TMEM74: variants seen among roughly 807,000 people sequenced by gnomAD.
TMEM74 encodes the protein transmembrane protein 74.
A neutral mutation model predicts 18.1 loss-of-function variants in TMEM74; 13 were observed. The observed-to-expected ratio is 0.72, with a 90% confidence interval of 0.47 to 1.14. TMEM74 has a LOEUF of 1.14. Among genes scored for constraint, TMEM74 ranks in the 50% most tolerant of loss-of-function variants. The probability of loss-of-function intolerance (pLI) is 0.00; values close to 1 mark genes in which losing one functional copy is unlikely to be tolerated. For missense variants in TMEM74, 372 were observed against 375.9 expected (o/e 0.99, Z 0.09); for synonymous variants, 159 against 146.6 (o/e 1.08, Z -0.61).
intron 1 of TMEM74, among the ~76,000 whole-genome samples, chr8:108,766,659 G>T (rs944092631): frequency 2.9e-5 from 4 of 139,564 alleles, no homozygotes; most frequent in Non-Finnish European, 6.5e-5. Flanking sequence ...ATGAAAGGGA[G>T]TTTATTAAGG....
intron 1 of TMEM74, among the ~76,000 whole-genome samples, chr8:108,677,808 G>A (rs1813069531): frequency 6.6e-6 from 1 of 152,140 alleles, no homozygotes; most frequent in African/African-American, 2.4e-5. Context: ...TGCCTTTAGA[G>A]CCATGAGATT....
intron 1 of TMEM74, among the ~76,000 whole-genome samples, chr8:108,656,987 A>G (rs959880949): frequency 2.2e-4 from 33 of 152,186 alleles, no homozygotes; most frequent in Admixed American, 5.9e-4. Context: ...CTGAGAAATC[A>G]TAACAAATGT....
At chr8:108,754,647 GTAGGTAGGTAGGTAGC>G (rs1419283338) in intron 1 of TMEM74, among the ~76,000 whole-genome samples, 4,724 of 139,346 alleles carry the variant, frequency 0.034, 236 homozygotes, top group African/African-American at 0.11. Flanking sequence ...GGATAGGTAG[GTAGGTAGGTAGGTAGC>G]TAGGTAGCTA....
exon 4 of TMEM74, chr8:108,607,336 T>C (rs1219261884): frequency 6.6e-6 from 1 of 152,228 alleles, no homozygotes; most frequent in Non-Finnish European, 1.5e-5. Flanking sequence ...CATTTGAAAG[T>C]GCATTGGCGT....
In TMEM74 at chr8:108,713,071, C is replaced by T. The variant is rs568405866; in HGVS notation, n.120-57634G>A. On this transcript the variant is annotated intron_variant and non_coding_transcript_variant, in intron 1 of 3. Transcript: ENST00000518838. ...TTATTGACGATGTTATTGGAGTCCA[C>T]AAATACATGAACTTTTGTTGGTTGG... Among the ~76,000 whole-genome samples, 18 of 152,300 alleles carry T rather than the reference C, an allele frequency of 1.2e-4. 1 individual carries two copies. The South Asian group carries it at 3.7e-3, about 32-fold the overall frequency.
intron 2 of TMEM74, among the ~76,000 whole-genome samples, chr8:108,650,431 T>A (rs1812762094): frequency 6.6e-6 from 1 of 152,190 alleles, no homozygotes; most frequent in African/African-American, 2.4e-5. Context: ...GTGTTCTCAT[T>A]TCATGCCAAG....
intron 2 of TMEM74, among the ~76,000 whole-genome samples, chr8:108,618,386 A>C (rs72671191): frequency 3.9e-4 from 60 of 152,198 alleles, no homozygotes; most frequent in Non-Finnish European, 7.8e-4. Flanking sequence ...TGGAACTCAA[A>C]CTTCACTGTA....
intron 2 of TMEM74, among the ~76,000 whole-genome samples, chr8:108,646,503 G>A (rs1347290642): frequency 6.6e-6 from 1 of 152,046 alleles, no homozygotes; most frequent in Non-Finnish European, 1.5e-5. Flanking sequence ...CAATTTGCAT[G>A]GGTGAGTTCA....
intron 1 of TMEM74, among the ~76,000 whole-genome samples, chr8:108,670,087 A>G (rs1334320464): frequency 6.7e-6 from 1 of 149,022 alleles, no homozygotes; most frequent in Non-Finnish European, 1.5e-5. Context: ...CCTTTTCTTT[A>G]TATTCATTTT....
chr8:108,728,283 T>C (rs1420086491), intron 1 of TMEM74, among the ~76,000 whole-genome samples: 2 of 152,248 alleles, frequency 1.3e-5, no homozygotes, highest in East Asian at 3.9e-4. Context: ...ATTGATAATG[T>C]AGGAGAGAGG....
intron 1 of TMEM74, among the ~76,000 whole-genome samples, chr8:108,662,012 A>G (rs1812904642): frequency 6.6e-6 from 1 of 152,152 alleles, no homozygotes. Flanking sequence ...TGGATTTCAG[A>G]GATAACAGTC....
intron 1 of TMEM74, among the ~76,000 whole-genome samples, chr8:108,709,428 T>C (rs781545727): frequency 1.3e-5 from 2 of 152,138 alleles, no homozygotes; most frequent in South Asian, 2.1e-4. Flanking sequence ...GTAGTATTTG[T>C]GAAAGACAAA....
At chr8:108,612,281 A>G (rs915025994) in intron 2 of TMEM74, among the ~76,000 whole-genome samples, 5 of 152,212 alleles carry the variant, frequency 3.3e-5, no homozygotes, top group Non-Finnish European at 1.5e-5. Flanking sequence ...AGATTCCTTG[A>G]TGTTAAAGAT....
chr8:108,764,764 C>T (rs998978776), intron 1 of TMEM74, among the ~76,000 whole-genome samples: 2 of 152,184 alleles, frequency 1.3e-5, no homozygotes, highest in Admixed American at 6.5e-5. Flanking sequence ...AGCTCATCCA[C>T]TCTGTCTTAT....
At chr8:108,656,520 T>G (rs1812823164) in intron 1 of TMEM74, among the ~76,000 whole-genome samples, 2 of 152,210 alleles carry the variant, frequency 1.3e-5, no homozygotes, top group African/African-American at 4.8e-5. Flanking sequence ...CCTCATACAC[T>G]GAAGAAAACT....
intron 2 of TMEM74, among the ~76,000 whole-genome samples, chr8:108,642,544 C>CT (rs1318980420): frequency 1.3e-5 from 2 of 152,056 alleles, no homozygotes; most frequent in African/African-American, 4.8e-5. Context: ...ACACATATGG[C>CT]TTTATCAGTT....
downstream of TMEM74, among the ~76,000 whole-genome samples, chr8:108,775,222 C>T (rs117142559): frequency 7.2e-5 from 11 of 152,212 alleles, no homozygotes; most frequent in East Asian, 1.5e-3. Context: ...TTGGATATGC[C>T]CTGTCCTTCT....
At chr8:108,643,697 G>C (rs529608722) in intron 2 of TMEM74, among the ~76,000 whole-genome samples, 1 of 151,374 alleles carries the variant, frequency 6.6e-6, no homozygotes, top group South Asian at 2.1e-4. Context: ...TGGCAAGAAC[G>C]CATCTCTAAA....
At chr8:108,657,798 G>A (rs1243645497) in intron 1 of TMEM74, among the ~76,000 whole-genome samples, 7 of 134,968 alleles carry the variant, frequency 5.2e-5, no homozygotes, top group East Asian at 2.2e-4. Context: ...AGCTGAGATC[G>A]TGCCACTGCA....
Sources: gnomAD v4.1 joint callset for allele counts (sites outside exome capture counted in the v4.1 genomes callset) on GRCh38, gnomAD v4.1.1 for gene constraint, MANE v1.5 for transcripts, NCBI Gene and HGNC (gene_info 2026-07-23, HGNC 2026-07-21) for gene names.